The following EYS variants were observed in gnomAD, a reference collection of about 807,000 sequenced individuals.
EYS encodes the protein EGF-like photoreceptor maintenance factor.
A neutral mutation model predicts 282.1 loss-of-function variants in EYS; 250 were observed. The observed-to-expected ratio is 0.89, with a 90% CI of 0.80 to 0.98. The LOEUF (loss-of-function observed/expected upper bound fraction) is 0.98. Ranked by LOEUF, EYS falls within the 50% of genes least tolerant of loss-of-function variation. The probability of loss-of-function intolerance (pLI) is 0.00; values close to 1 mark genes in which losing one functional copy is unlikely to be tolerated. For synonymous variants in EYS, 1,355 were observed against 1,282.9 expected, an observed-to-expected ratio of 1.06 and a Z score of -1.20; for missense variants, 4,016 against 3,709.0, an observed-to-expected ratio of 1.08 and a Z score of -2.15.
At chr6:63,835,328 A>ACT (rs906843809) in intron 36 of EYS, among the ~76,000 whole-genome samples, 10 of 149,376 alleles carry the variant, frequency 6.7e-5, no homozygotes, top group East Asian at 2.0e-4. Flanking sequence ...ATACATATAT[A>ACT]CTCTCTCTCT....
chr6:64,178,170 T>C (rs1170031836), intron 31 of EYS, among the ~76,000 whole-genome samples: 1 of 152,118 alleles, frequency 6.6e-6, no homozygotes, highest in African/African-American at 2.4e-5. Context: ...TGTGGATGTA[T>C]GTTTTACTAG....
In EYS at chr6:64,320,945, C is replaced by T. The variant is rs1375629114; in HGVS notation, c.6079-13863G>A. Among the ~76,000 whole-genome samples, 6 of 151,622 alleles carry T rather than the reference C, an allele frequency of 4.0e-5. 1 individual carries two copies. In the South Asian group the frequency reaches 8.3e-4, roughly 21 times the overall value. On this transcript the variant is annotated intron_variant, in intron 29 of 42. Transcript: ENST00000503581. ...TATGCTATTTTTAAACGAAAAATTC[C>T]ACATGGCTTATAATAATGGAATGAA...
chr6:63,749,769 C>T (rs945523541), intron 41 of EYS, among the ~76,000 whole-genome samples: 1 of 152,162 alleles, frequency 6.6e-6, no homozygotes, highest in Non-Finnish European at 1.5e-5. Flanking sequence ...CACTGGGGGT[C>T]AGGAACAAGT....
Position 65,546,244 on chromosome 6 carries a change from T to C in EYS, c.-332-50251A>G, listed in dbSNP as rs1207449007. 2.5e-4 allele frequency among the ~76,000 whole-genome samples: 38 copies of C among 151,152 alleles called. 1 individual carries two copies. Among genetic ancestry groups the C allele is most frequent in the Non-Finnish European group, 2.9e-5 (2 of 67,844 alleles). ...GGGTTTTGCCATATTGCCCAGGTTG[T>C]TGTTAAATTCCTGCTCAAGCTATCT... On this transcript the variant is annotated intron_variant, in intron 2 of 42. Coordinates refer to ENST00000503581, the MANE Select transcript of EYS (RefSeq NM_001142800.2).
intron 41 of EYS, among the ~76,000 whole-genome samples, chr6:63,730,588 G>T (rs1315297453): frequency 1.3e-5 from 2 of 152,178 alleles, no homozygotes; most frequent in African/African-American, 2.4e-5. Flanking sequence ...GAAATATGAT[G>T]CTACTTTTCC....
chr6:65,266,989 T>TATAGAA, intron 12 of EYS, among the ~76,000 whole-genome samples: 1 of 142,130 alleles, frequency 7.0e-6, no homozygotes, highest in African/African-American at 2.6e-5. Context: ...TATATATATA[T>TATAGAA]AGAGAGAGAG....
intron 35 of EYS, among the ~76,000 whole-genome samples, chr6:63,914,460 G>A (rs988467277): frequency 2.6e-5 from 4 of 152,156 alleles, no homozygotes; most frequent in African/African-American, 9.7e-5. Flanking sequence ...TGTAATCCCA[G>A]GACTTTGGGA....
chr6:63,825,565 C>G (rs971536115), intron 36 of EYS, among the ~76,000 whole-genome samples: 3 of 152,186 alleles, frequency 2.0e-5, no homozygotes, highest in Non-Finnish European at 4.4e-5. Flanking sequence ...GTTCACATTA[C>G]AGGAATCTAT....
In EYS at chr6:64,707,586, G is replaced by A. The variant is rs549013667; in HGVS notation, c.3444-81341C>T. Among the ~76,000 whole-genome samples, 39 of 151,496 alleles carry A rather than the reference G, an allele frequency of 2.6e-4. 1 individual carries two copies. The highest frequency in any genetic ancestry group is 8.4e-4 in the South Asian group (4 of 4,790). ...CCGGAGGCTGAGGCAGGAGAATGGC[G>A]TGAACCCGGGAGGCCTTGCAGTGAG... On this transcript the variant is annotated intron_variant, in intron 22 of 42. Transcript: ENST00000503581.
At chr6:64,049,118 T>C (rs1055044625) in intron 33 of EYS, among the ~76,000 whole-genome samples, 2 of 152,320 alleles carry the variant, frequency 1.3e-5, no homozygotes, top group South Asian at 4.1e-4. Flanking sequence ...TTTAGCTGAA[T>C]GGTAAGGTTC....
intron 36 of EYS, among the ~76,000 whole-genome samples, chr6:63,834,659 C>G (rs551936790): frequency 1.3e-5 from 2 of 150,618 alleles, no homozygotes; most frequent in South Asian, 4.2e-4. Context: ...CCTCAAGGAT[C>G]TAAAGCTAGA....
intron 12 of EYS, among the ~76,000 whole-genome samples, chr6:65,244,700 T>C (rs1294879604): frequency 6.6e-6 from 1 of 151,346 alleles, no homozygotes; most frequent in African/African-American, 2.4e-5. Context: ...TTTTTTTTTT[T>C]TTTAGTAGAG....
At position 65,635,595 on chromosome 6, in the gene EYS, C is replaced by T. The variant is rs189019821; in HGVS notation, c.-333+4183G>A. Reference sequence around the variant, plus strand: ...TCCCAAAGTACAAGGATTACAGGCACGAGCCACAGCACCCATTCAATATAA... The same window carrying T: ...TCCCAAAGTACAAGGATTACAGGCATGAGCCACAGCACCCATTCAATATAA... On this transcript the variant is annotated intron_variant, in intron 2 of 42. Coordinates refer to ENST00000503581, the MANE Select transcript of EYS (RefSeq NM_001142800.2). 5.3e-5 allele frequency among the ~76,000 whole-genome samples: 8 copies of T among 152,144 alleles called. No individual in the cohort carries two copies. The South Asian group carries it at 6.2e-4, about 12-fold the overall frequency.
chr6:65,389,234 C>T (rs891617882), intron 7 of EYS, among the ~76,000 whole-genome samples: 2 of 152,120 alleles, frequency 1.3e-5, no homozygotes, highest in Non-Finnish European at 2.9e-5. Context: ...AAGGACTTTA[C>T]AAAGGCATTC....
At chr6:64,991,140 G>A (rs543328503) in intron 14 of EYS, among the ~76,000 whole-genome samples, 34 of 151,610 alleles carry the variant, frequency 2.2e-4, no homozygotes, top group Admixed American at 2.2e-3. Flanking sequence ...AGAAATGACA[G>A]AAAGCTGACC....
At chr6:65,245,566 A>T (rs1767158683) in intron 12 of EYS, among the ~76,000 whole-genome samples, 1 of 152,046 alleles carries the variant, frequency 6.6e-6, no homozygotes, top group African/African-American at 2.4e-5. Context: ...CTTTATATTG[A>T]TGTTCTTTCT....
At chr6:64,966,462 C>A (rs545036615) in intron 14 of EYS, among the ~76,000 whole-genome samples, 3 of 152,070 alleles carry the variant, frequency 2.0e-5, no homozygotes, top group African/African-American at 7.2e-5. Context: ...TAACTGTTGA[C>A]AAGAGATGTA....
chr6:63,832,847 A>G (rs559131240), intron 36 of EYS, among the ~76,000 whole-genome samples: 253 of 152,358 alleles, frequency 1.7e-3, no homozygotes, highest in Non-Finnish European at 2.5e-3. Context: ...ATCCAGCAGC[A>G]CATCAAAAAG....
intron 15 of EYS, among the ~76,000 whole-genome samples, chr6:64,934,594 G>A (rs1768843347): frequency 1.3e-5 from 2 of 151,648 alleles, no homozygotes; most frequent in Non-Finnish European, 1.5e-5. Context: ...AGATAAGAAA[G>A]CAGCAGAATG....
Sources: allele counts gnomAD v4.1 joint callset (sites outside exome capture counted in the v4.1 genomes callset), GRCh38; gene constraint gnomAD v4.1.1; transcripts MANE v1.5; gene names NCBI Gene and HGNC (gene_info 2026-07-23, HGNC 2026-07-21).